The following LRRC75B variants were observed in gnomAD, a reference collection of about 807,000 sequenced individuals.
LRRC75B encodes the protein leucine-rich repeat-containing protein 75B.
A neutral mutation model predicts 16.5 loss-of-function variants in LRRC75B; 20 were observed. The ratio of observed to expected loss-of-function variants is 1.21; its 90% CI spans 0.85 to 1.76. The LOEUF is 1.76. LRRC75B is among the 40% of genes most tolerant of loss of function. The probability of loss-of-function intolerance (pLI) is 0.00; values close to 1 mark genes in which losing one functional copy is unlikely to be tolerated. For missense variants in LRRC75B, 406 were observed against 417.0 expected, an observed-to-expected ratio of 0.97 and a Z score of 0.23; for synonymous variants, 199 against 198.1, an observed-to-expected ratio of 1.00 and a Z score of -0.04.
In LRRC75B at chr22:24,586,241, T is replaced by TG; in HGVS notation, c.592dup (p.His198ProfsTer33). ...CGCCCACAGGCTGGGCAGCAGGAGGTGCAGCAGCTCATCACTCAGCCCCGT... is the reference window on the plus strand; with the variant it reads ...CGCCCACAGGCTGGGCAGCAGGAGGTGGCAGCAGCTCATCACTCAGCCCCGT... On this transcript the variant is annotated frameshift_variant, in exon 4 of 4. Transcript: ENST00000318753. LOFTEE classifies it low-confidence loss of function (END_TRUNC). 1.2e-6 allele frequency: 2 copies of TG among 1,613,336 alleles called. No homozygotes were observed. Among genetic ancestry groups the TG allele is most frequent in the Non-Finnish European group, 1.7e-6 (2 of 1,179,984 alleles).
rs752904823 is a variant in LRRC75B, at chr22:24,588,268, G to T, written c.368C>A (p.Pro123His). ...GGACCCTTGCTGCTGCTTCGAGTGAGGGGTGAGGTGGTAGATGAGCTGTCG... is the reference window on the plus strand; with the variant it reads ...GGACCCTTGCTGCTGCTTCGAGTGATGGGTGAGGTGGTAGATGAGCTGTCG... ...ICRQLIYHLT[P>H]HSKQQQGSSL... The change falls in exon 3 of 4, where the codon CCT becomes CAT. Residue 123 changes from proline (P) to histidine (H), a missense_variant. Physicochemically the swap from Pro to His is moderately conservative, Grantham distance 77. Coordinates refer to ENST00000318753, the MANE Select transcript of LRRC75B (RefSeq NM_207644.3). The T allele has an allele frequency of 6.2e-7, 1 of 1,613,654 alleles. No individual in the cohort carries two copies. Among genetic ancestry groups the T allele is most frequent in the East Asian group, 2.2e-5 (1 of 44,886 alleles).
Position 24,589,715 on chromosome 22 carries a change from C to G in LRRC75B, c.306+106G>C. On this transcript the variant is annotated intron_variant, in intron 2 of 3. Coordinates refer to ENST00000318753, the MANE Select transcript of LRRC75B (RefSeq NM_207644.3). ...GGACAGTGACTTGCCTAAGGCCACA[C>G]AGCAAGCCGCAGAAGGACCTAGCCT... The G allele has an allele frequency of 3.0e-6, 4 of 1,326,184 alleles. 1 individual carries two copies. The South Asian group carries it at 4.6e-5, about 15-fold the overall frequency. The allele number at this position is 1,326,184 out of a possible 1,614,324, so 82.2% of individuals were successfully genotyped here.
intron 3 of LRRC75B, among the ~76,000 whole-genome samples, chr22:24,587,710 TCA>T (rs1406238940): frequency 6.6e-6 from 1 of 152,136 alleles, no homozygotes; most frequent in Non-Finnish European, 1.5e-5. Flanking sequence ...CACGGAAGCC[TCA>T]GTTTTAGGCA....
At chr22:24,588,116 G>A in intron 3 of LRRC75B, 98 bp downstream of exon 3, 1 of 946,758 alleles carries the variant, frequency 1.1e-6, no homozygotes, top group South Asian at 1.5e-5. Context: ...TCACCAGGTG[G>A]GATTTCAGCA....
At chr22:24,589,671 G>T in intron 2 of LRRC75B, 150 bp downstream of exon 2, 1 of 885,476 alleles carries the variant, frequency 1.1e-6, no homozygotes, top group Non-Finnish European at 1.7e-6. Flanking sequence ...TACTGATGCT[G>T]GCAGCAGGTC....
chr22:24,588,694 C>T (rs2045477649), intron 2 of LRRC75B: 1 of 1,092,928 alleles, frequency 9.1e-7, no homozygotes, highest in African/African-American at 1.6e-5. Flanking sequence ...GGGGAGGAGG[C>T]CAGACCAGGC....
At chr22:24,589,722 C>G in intron 2 of LRRC75B, 99 bp downstream of exon 2, 1 of 1,363,836 alleles carries the variant, frequency 7.3e-7, no homozygotes, top group South Asian at 1.5e-5. Context: ...ACACAGCAAG[C>G]CGCAGAAGGA....
At chr22:24,592,690 G>T in intron 1 of LRRC75B, 173 bp downstream of exon 1, 1 of 1,182,716 alleles carries the variant, frequency 8.5e-7, no homozygotes, top group Non-Finnish European at 1.1e-6. Context: ...GCAAGACCCC[G>T]CGTGCTGCAG....
At position 24,586,399 on chromosome 22, in the gene LRRC75B, G is replaced by C; in HGVS notation, c.435C>G (p.Ser145Arg). The C allele has an allele frequency of 6.2e-7, 1 of 1,612,222 alleles. No individual in the cohort carries two copies. The highest frequency in any genetic ancestry group is 8.5e-7 in the Non-Finnish European group (1 of 1,179,086). Residue 145 changes from serine to arginine, a missense_variant, in exon 4 of 4, where the codon AGC (serine) becomes AGG (arginine). Ser to Arg is a moderately radical substitution (Grantham distance 110). Coordinates refer to ENST00000318753, the MANE Select transcript of LRRC75B (RefSeq NM_207644.3). ...QRKTQSCLKS[S>R]LQKTLLAGET... ...CCCCTGCCAGCAGAGTCTTCTGGAG[G>C]CTGCTCTTGAGGCTATGGGAGAGTG...
Position 24,592,858 on chromosome 22 carries a change from C to T in LRRC75B, c.177+5G>A, listed in dbSNP as rs956257248. ...AGCCCAGGGGCGGACGGCTCCTTCTCTCGCCTGGCGCAGGAGGCGCAGCAG... is the reference window on the plus strand; with the variant it reads ...AGCCCAGGGGCGGACGGCTCCTTCTTTCGCCTGGCGCAGGAGGCGCAGCAG... On this transcript the variant is annotated splice_donor_5th_base_variant and intron_variant, in intron 1 of 3. Coordinates refer to ENST00000318753, the MANE Select transcript of LRRC75B (RefSeq NM_207644.3). The T allele has an allele frequency of 1.6e-5, 20 of 1,280,554 alleles. No homozygotes were observed. The highest frequency in any genetic ancestry group is 2.0e-5 in the Non-Finnish European group (20 of 1,013,524). The allele number at this position is 1,280,554 out of a possible 1,614,324, so 79.3% of individuals were successfully genotyped here.
intron 1 of LRRC75B, among the ~76,000 whole-genome samples, chr22:24,591,987 G>T (rs890552899): frequency 6.6e-6 from 1 of 152,230 alleles, no homozygotes; most frequent in African/African-American, 2.4e-5. Flanking sequence ...TTTTCTCTGT[G>T]GGCCCTGGGG....
intron 3 of LRRC75B, among the ~76,000 whole-genome samples, chr22:24,587,481 T>C (rs977971543): frequency 6.6e-6 from 1 of 151,922 alleles, no homozygotes; most frequent in Non-Finnish European, 1.5e-5. Flanking sequence ...CCTTGTGGGG[T>C]CCAAGCTCAG....
chr22:24,593,069 A>C lies in LRRC75B; in HGVS notation c.-30T>G. ...GCCGCGCGATGGTCGCCGAACCCAC[A>C]GGAGGCCGGGCTGTCTGCGCCCCGC... On this transcript the variant is annotated 5_prime_UTR_variant, in exon 1 of 4. Coordinates refer to ENST00000318753, the MANE Select transcript of LRRC75B (RefSeq NM_207644.3). 9.7e-7 allele frequency: 1 copy of C among 1,036,138 alleles called. No homozygotes were observed. The highest frequency in any genetic ancestry group is 1.2e-6 in the Non-Finnish European group (1 of 863,902). The allele number at this position is 1,036,138 out of a possible 1,614,324, so 64.2% of individuals were successfully genotyped here.
Position 24,585,934 on chromosome 22 carries a change from G to A in LRRC75B, c.900C>T (p.Ser300=). The change falls in exon 4 of 4, where the codon TCC becomes TCT. Residue 300 remains serine (S), a synonymous_variant. Coordinates refer to ENST00000318753, the MANE Select transcript of LRRC75B (RefSeq NM_207644.3). ...GCTCGGGTCCCAGCCCAGCAGCTGTGGAGTCCCAGGTGGAGGCAGGGGTGG... is the reference window on the plus strand; with the variant it reads ...GCTCGGGTCCCAGCCCAGCAGCTGTAGAGTCCCAGGTGGAGGCAGGGGTGG... The part of the protein sequence containing the change: ...GATTPASTWD[S]TAAGLGPEPQ... The A allele has an allele frequency of 3.1e-6, 5 of 1,608,248 alleles. No homozygotes were observed. The highest frequency in any genetic ancestry group is 4.2e-6 in the Non-Finnish European group (5 of 1,178,988).
At position 24,587,273 on chromosome 22, in the gene LRRC75B, G is replaced by A. The variant is rs529910759; in HGVS notation, c.423-862C>T. 3.3e-4 allele frequency among the ~76,000 whole-genome samples: 50 copies of A among 152,304 alleles called. No homozygotes were observed. In the South Asian group the frequency reaches 8.3e-3, roughly 25 times the overall value. ...GAGGTCCTGGGTGTGCAGGCTGGGG[G>A]CCGGCCATGAGGGAGGGCTCCCCGT... is the stretch of plus-strand genomic sequence containing the variant. On this transcript the variant is annotated intron_variant, in intron 3 of 3. Coordinates refer to ENST00000318753, the MANE Select transcript of LRRC75B (RefSeq NM_207644.3).
At chr22:24,588,503 G>C (rs993597178) in intron 2 of LRRC75B, 174 bp from the exon 3 acceptor site, 8 of 755,930 alleles carry the variant, frequency 1.1e-5, no homozygotes, top group African/African-American at 1.0e-4. Context: ...CTGTGGCCTG[G>C]CACAGAGCCA....
In LRRC75B at chr22:24,586,600, C is replaced by T. The variant is rs559005549; in HGVS notation, c.423-189G>A. Among the ~76,000 whole-genome samples the T allele has an allele frequency of 1.2e-4, 19 of 152,374 alleles. No homozygotes were observed. The South Asian group carries it at 2.3e-3, about 18-fold the overall frequency. ...AGGCTGGAGTGCAGTGGCACAATCT[C>T]GGCTTACGGCAACCTCTGCCTCCCG... On this transcript the variant is annotated intron_variant, in intron 3 of 3. Coordinates refer to ENST00000318753, the MANE Select transcript of LRRC75B (RefSeq NM_207644.3).
chr22:24,593,001 A>C lies in LRRC75B; in HGVS notation c.39T>G (p.Ala13=), dbSNP rs1482138408. The change falls in exon 1 of 4, where the codon GCT becomes GCG. Residue 13 remains alanine, a synonymous_variant. Coordinates refer to ENST00000318753, the MANE Select transcript of LRRC75B (RefSeq NM_207644.3). Reference sequence around the variant, plus strand: ...CGGCCGCCGCCCCGGCCTCAGAGCCAGCCTCGGGCCCGGCCCGCCGGCCCA... The same window carrying C: ...CGGCCGCCGCCCCGGCCTCAGAGCCCGCCTCGGGCCCGGCCCGCCGGCCCA... ...ARLGRRAGPE[A]GSEAGAAAGC... The C allele has an allele frequency of 3.5e-6, 4 of 1,136,242 alleles. No individual in the cohort carries two copies. Among genetic ancestry groups the C allele is most frequent in the Non-Finnish European group, 4.3e-6 (4 of 927,140 alleles). 70.4% of individuals were successfully genotyped at this position (1,136,242 alleles called of 1,614,324 possible).
rs763478091 is a variant in LRRC75B at position 24,585,875 on chromosome 22, TG to T, written c.*10del. The T allele has an allele frequency of 1.1e-5, 17 of 1,565,364 alleles. No individual in the cohort carries two copies. Among genetic ancestry groups the T allele is most frequent in the Admixed American group, 1.8e-5 (1 of 54,058 alleles). On this transcript the variant is annotated 3_prime_UTR_variant, in exon 4 of 4. Coordinates refer to ENST00000318753, the MANE Select transcript of LRRC75B (RefSeq NM_207644.3). The stretch of plus-strand genomic sequence containing the variant: ...CACAAGTCAGTAGCAATGAGCCAGG[TG>T]GGTGGTGGGTCACCTGGCACAGCAG...
Sources: allele counts gnomAD v4.1 joint callset (sites outside exome capture counted in the v4.1 genomes callset), GRCh38; gene constraint gnomAD v4.1.1; transcripts MANE v1.5; gene names NCBI Gene and HGNC (gene_info 2026-07-23, HGNC 2026-07-21).